GRM1: variants seen among roughly 807,000 people sequenced by gnomAD.
The protein encoded by GRM1 is glutamate metabotropic receptor 1, also known as metabotropic glutamate receptor 1.
A neutral mutation model predicts 90.9 loss-of-function variants in GRM1; 33 were observed. That is an observed-to-expected ratio of 0.36 (90% CI 0.28 to 0.49). The LOEUF is 0.49. GRM1 is among the 20% of genes least tolerant of loss of function. The probability of loss-of-function intolerance (pLI) is 0.99; values close to 1 mark genes in which losing one functional copy is unlikely to be tolerated. For synonymous variants in GRM1, 700 were observed against 613.2 expected, an observed-to-expected ratio of 1.14 and a Z score of -2.09; for missense variants, 1,190 against 1,534.3, an observed-to-expected ratio of 0.78 and a Z score of 3.75.
chr6:146,230,108 G>A (rs541107499), intron 2 of GRM1, among the ~76,000 whole-genome samples: 20 of 152,184 alleles, frequency 1.3e-4, no homozygotes, highest in Non-Finnish European at 2.6e-4. Flanking sequence ...TATTGGCATT[G>A]CAAGACTGAA....
chr6:146,299,765 G>A, intron 2 of GRM1, among the ~76,000 whole-genome samples: 1 of 151,968 alleles, frequency 6.6e-6, no homozygotes, highest in East Asian at 1.9e-4. Context: ...TGCAGCATTT[G>A]CCCTGTAAAC....
At chr6:146,366,972 G>T (rs190435747) in intron 5 of GRM1, among the ~76,000 whole-genome samples, 15 of 152,178 alleles carry the variant, frequency 9.9e-5, no homozygotes, top group Admixed American at 7.2e-4. Flanking sequence ...GAAAATCTTT[G>T]CCGAGACCAA....
chr6:146,326,240 C>G (rs1441004118), intron 3 of GRM1, among the ~76,000 whole-genome samples: 9 of 152,118 alleles, frequency 5.9e-5, no homozygotes, highest in Non-Finnish European at 1.5e-5. Context: ...ACATATACAC[C>G]ATGGAATACT....
At chr6:146,028,269 G>GTGTA (rs1554258663), upstream of GRM1, among the ~76,000 whole-genome samples, 861 of 147,292 alleles carry the variant, frequency 5.8e-3, 10 homozygotes, top group African/African-American at 0.011. Flanking sequence ...GTGTGTGTGT[G>GTGTA]TGTGTGTGTA....
intron 2 of GRM1, among the ~76,000 whole-genome samples, chr6:146,241,679 G>T (rs1780870510): frequency 6.6e-6 from 1 of 151,940 alleles, no homozygotes; most frequent in Admixed American, 6.6e-5. Flanking sequence ...CCAGCTTTCA[G>T]CCTTGTTCTG....
Position 146,171,707 on chromosome 6 carries a change from G to C in GRM1, c.950+12110G>C, listed in dbSNP as rs1778133598. 1.4e-5 allele frequency: 4 copies of C among 294,652 alleles called. No homozygotes were observed. In the South Asian group the frequency reaches 1.8e-4, roughly 13 times the overall value. 18.3% of individuals were successfully genotyped at this position (294,652 alleles called of 1,614,324 possible). ...AGAGGAGGACATGAAGAAAGCAAAA[G>C]AACAGCTGAAGATCCATAAAAGCAA... On this transcript the variant is annotated intron_variant, in intron 2 of 7. Transcript: ENST00000282753.
chr6:146,416,968 ACTTTT>A (rs1393925191), intron 7 of GRM1, among the ~76,000 whole-genome samples: 1 of 152,094 alleles, frequency 6.6e-6, no homozygotes, highest in African/African-American at 2.4e-5. Flanking sequence ...TGTCAGTCTC[ACTTTT>A]CTTTACTTCC....
At chr6:146,220,916 G>A (rs1448899435) in intron 2 of GRM1, among the ~76,000 whole-genome samples, 3 of 152,180 alleles carry the variant, frequency 2.0e-5, no homozygotes, top group African/African-American at 7.2e-5. Context: ...ATAGGAAGAA[G>A]AAATAGCATG....
chr6:146,147,281 C>T (rs1562492316), intron 1 of GRM1, among the ~76,000 whole-genome samples: 1 of 152,164 alleles, frequency 6.6e-6, no homozygotes, highest in Non-Finnish European at 1.5e-5. Flanking sequence ...GAGCCATAGG[C>T]TTTAGAGTCA....
intron 6 of GRM1, among the ~76,000 whole-genome samples, chr6:146,397,685 T>A (rs1288471887): frequency 6.6e-6 from 1 of 152,066 alleles, no homozygotes; most frequent in African/African-American, 2.4e-5. Flanking sequence ...ATACGATTAC[T>A]CACATGAGAC....
intron 7 of GRM1, among the ~76,000 whole-genome samples, chr6:146,433,214 T>C (rs986233096): frequency 1.3e-5 from 2 of 152,204 alleles, no homozygotes; most frequent in Non-Finnish European, 2.9e-5. Flanking sequence ...AAATAATGCA[T>C]TGAAATGTTT....
At chr6:146,305,444 A>G (rs1217418498) in intron 3 of GRM1, among the ~76,000 whole-genome samples, 1 of 152,220 alleles carries the variant, frequency 6.6e-6, no homozygotes, top group Non-Finnish European at 1.5e-5. Flanking sequence ...TGAAATCCAC[A>G]GGATGTCCTC....
At chr6:146,165,910 C>A (rs1162738582) in intron 2 of GRM1, among the ~76,000 whole-genome samples, 1 of 152,120 alleles carries the variant, frequency 6.6e-6, no homozygotes, top group South Asian at 2.1e-4. Context: ...TATTCTAACA[C>A]CTATAGTCTC....
At chr6:146,193,842 C>G (rs1779016270) in intron 2 of GRM1, among the ~76,000 whole-genome samples, 1 of 152,122 alleles carries the variant, frequency 6.6e-6, no homozygotes, top group South Asian at 2.1e-4. Context: ...GTGAACTTTC[C>G]TGTCCCCTTT....
chr6:146,187,650 C>T (rs1778781205), intron 2 of GRM1, among the ~76,000 whole-genome samples: 1 of 151,844 alleles, frequency 6.6e-6, no homozygotes, highest in Non-Finnish European at 1.5e-5. Flanking sequence ...AATGGATGTT[C>T]TCTTATTACT....
intron 7 of GRM1, among the ~76,000 whole-genome samples, chr6:146,420,196 C>G (rs1342894297): frequency 2.0e-5 from 3 of 152,188 alleles, no homozygotes; most frequent in African/African-American, 7.2e-5. Flanking sequence ...CTCAAAAACA[C>G]TTTTGTAATC....
chr6:146,391,810 G>T (rs1219712299), intron 6 of GRM1, among the ~76,000 whole-genome samples: 3 of 152,054 alleles, frequency 2.0e-5, no homozygotes, highest in Non-Finnish European at 4.4e-5. Flanking sequence ...GCATTGAAAA[G>T]CCTGGTTTCC....
At chr6:146,287,830 G>C (rs1196334496) in intron 2 of GRM1, among the ~76,000 whole-genome samples, 2 of 152,170 alleles carry the variant, frequency 1.3e-5, no homozygotes, top group Non-Finnish European at 2.9e-5. Context: ...GAAATGATGA[G>C]GGGGAGATTG....
At chr6:146,340,239 T>A (rs1019497433) in intron 3 of GRM1, among the ~76,000 whole-genome samples, 4 of 152,200 alleles carry the variant, frequency 2.6e-5, no homozygotes, top group African/African-American at 9.6e-5. Context: ...TGCTGATCAA[T>A]CTTTTCCCTG....
Sources: allele counts gnomAD v4.1 joint callset (sites outside exome capture counted in the v4.1 genomes callset), GRCh38; gene constraint gnomAD v4.1.1; transcripts MANE v1.5; gene names NCBI Gene and HGNC (gene_info 2026-07-23, HGNC 2026-07-21).